The following PGCKA1 variants were observed in gnomAD, a reference collection of about 807,000 sequenced individuals.
The protein encoded by PGCKA1 is PDCD10 and GCKIII kinases associated 1.
the PGCKA1 span, among the ~76,000 whole-genome samples, chr4:37,559,441 T>C: frequency 9.4e-6 from 1 of 106,384 alleles, no homozygotes; most frequent in South Asian, 3.6e-4. Flanking sequence ...CTGGGGACTG[T>C]TGTGGGGTGG....
chr4:37,480,066 A>G, the PGCKA1 span, among the ~76,000 whole-genome samples: 1 of 152,236 alleles, frequency 6.6e-6, no homozygotes, highest in Non-Finnish European at 1.5e-5. Flanking sequence ...GATTCAAGGA[A>G]TCTTTAAAAG....
the PGCKA1 span, among the ~76,000 whole-genome samples, chr4:37,505,482 A>T: frequency 6.6e-6 from 1 of 152,118 alleles, no homozygotes; most frequent in African/African-American, 2.4e-5. Context: ...CATGCTGCTG[A>T]TAAAGACATA....
the PGCKA1 span, among the ~76,000 whole-genome samples, chr4:37,509,906 G>A: frequency 9.3e-5 from 14 of 150,584 alleles, no homozygotes; most frequent in African/African-American, 3.2e-4. Flanking sequence ...GAGCCGAGAT[G>A]GTGGCAGTAC....
chr4:37,469,738 C>T, the PGCKA1 span, among the ~76,000 whole-genome samples: 2 of 152,116 alleles, frequency 1.3e-5, no homozygotes, highest in Admixed American at 6.6e-5. Context: ...TTATATTATT[C>T]TTGGTATGAC....
chr4:37,584,642 G>C, the PGCKA1 span, among the ~76,000 whole-genome samples: 1 of 152,154 alleles, frequency 6.6e-6, no homozygotes, highest in African/African-American at 2.4e-5. Context: ...TTAAATCTCA[G>C]CACTCACTTC....
the PGCKA1 span, among the ~76,000 whole-genome samples, chr4:37,537,149 T>TA: frequency 6.6e-6 from 1 of 152,252 alleles, no homozygotes; most frequent in African/African-American, 2.4e-5. Context: ...AAGATATAGA[T>TA]ACTTAAGGAC....
chr4:37,560,668 A>G, the PGCKA1 span, among the ~76,000 whole-genome samples: 3 of 152,112 alleles, frequency 2.0e-5, no homozygotes, highest in African/African-American at 4.8e-5. Context: ...CTCACAGCTT[A>G]CAGTCTTCCA....
chr4:37,460,010 C>T, the PGCKA1 span, among the ~76,000 whole-genome samples: 11 of 151,960 alleles, frequency 7.2e-5, no homozygotes, highest in African/African-American at 1.2e-4. Context: ...CCTACAGCCC[C>T]GGTGTGTGTT....
At chr4:37,517,270 AATATAT>A in the PGCKA1 span, among the ~76,000 whole-genome samples, 1 of 144,446 alleles carries the variant, frequency 6.9e-6, no homozygotes, top group African/African-American at 2.7e-5. Flanking sequence ...TATATATATA[AATATAT>A]ATATAAATAT....
At chr4:37,590,211 G>C in the PGCKA1 span, 1 of 1,614,122 alleles carries the variant, frequency 6.2e-7, no homozygotes. Context: ...TCTTGGTGCA[G>C]AAAAATGACC....
chr4:37,459,066 G>A, the PGCKA1 span, among the ~76,000 whole-genome samples: 9 of 152,212 alleles, frequency 5.9e-5, no homozygotes, highest in Non-Finnish European at 1.3e-4. Context: ...GTACCACGAC[G>A]GAGCTCTGCC....
chr4:37,468,278 C>T, the PGCKA1 span, among the ~76,000 whole-genome samples: 3 of 152,176 alleles, frequency 2.0e-5, no homozygotes, highest in African/African-American at 2.4e-5. Flanking sequence ...TGACTATGGG[C>T]GTGGAGCAGT....
At chr4:37,581,420 G>T in the PGCKA1 span, among the ~76,000 whole-genome samples, 1 of 149,408 alleles carries the variant, frequency 6.7e-6, no homozygotes, top group Non-Finnish European at 1.5e-5. This position sits in a 1 kb window ranked among gnomAD's most constrained non-coding sequence, Gnocchi z 4.4. Context: ...ATTCCTGCTG[G>T]TTATTCAGGG....
chr4:37,572,735 C>A, the PGCKA1 span, among the ~76,000 whole-genome samples: 1 of 152,064 alleles, frequency 6.6e-6, no homozygotes, highest in Non-Finnish European at 1.5e-5. Flanking sequence ...TTCATATATA[C>A]CTTTTACACA....
At chr4:37,537,351 T>C in the PGCKA1 span, among the ~76,000 whole-genome samples, 1 of 152,232 alleles carries the variant, frequency 6.6e-6, no homozygotes, top group Non-Finnish European at 1.5e-5. Context: ...GATGATTCTT[T>C]GTGCTTGTGT....
the PGCKA1 span, among the ~76,000 whole-genome samples, chr4:37,554,179 G>A: frequency 7.2e-5 from 11 of 152,254 alleles, no homozygotes; most frequent in Non-Finnish European, 1.5e-4. Context: ...CATGTAAGAT[G>A]TGCCTTTGCA....
the PGCKA1 span, among the ~76,000 whole-genome samples, chr4:37,495,919 T>C: frequency 2.7e-4 from 41 of 152,324 alleles, 1 homozygote; most frequent in South Asian, 8.1e-3. Context: ...TGTTTATTTT[T>C]CTTTTTTTCT....
At chr4:37,487,777 T>A in the PGCKA1 span, among the ~76,000 whole-genome samples, 1 of 150,302 alleles carries the variant, frequency 6.7e-6, no homozygotes, top group Non-Finnish European at 1.5e-5. Flanking sequence ...ATTACATATA[T>A]ACATATGTCC....
At chr4:37,565,634 G>T in the PGCKA1 span, among the ~76,000 whole-genome samples, 3,067 of 152,292 alleles carry the variant, frequency 0.02, 114 homozygotes, top group African/African-American at 0.071. Flanking sequence ...GGAGCCTTTT[G>T]ACCCCACCAT....
Sources: gnomAD v4.1 joint callset for allele counts (sites outside exome capture counted in the v4.1 genomes callset) on GRCh38, gnomAD v4.1.1 for gene constraint, Gnocchi (gnomAD v3.1) non-coding constraint, MANE v1.5 for transcripts, NCBI Gene and HGNC (gene_info 2026-07-23, HGNC 2026-07-21) for gene names.